The following MALAT1 variants were observed in gnomAD, a reference collection of about 807,000 sequenced individuals.
MALAT1 encodes metastasis associated lung adenocarcinoma transcript 1.
In MALAT1 at chr11:65,497,943, T is replaced by G. The variant is rs1251373567; in HGVS notation, n.178+78T>G. The G allele has an allele frequency of 1.3e-5, 7 of 518,946 alleles. No homozygotes were observed. The Admixed American group carries it at 1.4e-4, about 10-fold the overall frequency. The allele number at this position is 518,946 out of a possible 1,614,324, so 32.1% of individuals were successfully genotyped here. On this transcript the variant is annotated intron_variant and non_coding_transcript_variant, in intron 1 of 3. Coordinates refer to ENST00000619449, the Ensembl canonical transcript of MALAT1. ...CGCAGCGACGAGTTGTGCTGCTATC[T>G]TAGCTGTCCTTATAGGCTGGCCATT...
At chr11:65,500,217 A>G (rs1006763400) in exon 3 of MALAT1, 1 of 514,778 alleles carries the variant, frequency 1.9e-6, no homozygotes, top group South Asian at 1.4e-5. Context: ...GGCTTTTGGA[A>G]GAGTTAGAAG....
At chr11:65,499,539 A>G (rs1405692701) in exon 3 of MALAT1, 3 of 458,314 alleles carry the variant, frequency 6.5e-6, no homozygotes, top group African/African-American at 4.0e-5. Context: ...GAAATCCATG[A>G]CGCAGGGAGA....
exon 3 of MALAT1, chr11:65,500,605 A>G (rs2057023217): frequency 1.9e-6 from 1 of 518,864 alleles, no homozygotes; most frequent in African/African-American, 1.9e-5. Context: ...TGGTGAAGCT[A>G]GGAAAAAGGA....
At chr11:65,504,350 T>C in intron 3 of MALAT1, 1 of 516,360 alleles carries the variant, frequency 1.9e-6, no homozygotes, top group Non-Finnish European at 3.9e-6. Context: ...GCAGTTGTCT[T>C]GACTTCAGGT....
chr11:65,503,552 A>G (rs1280018624), exon 3 of MALAT1: 1 of 518,446 alleles, frequency 1.9e-6, no homozygotes, highest in African/African-American at 1.9e-5. Context: ...TACTGCTAAA[A>G]TTTACATGTT....
At chr11:65,499,427 A>G (rs1854486351) in exon 3 of MALAT1, 1 of 479,690 alleles carries the variant, frequency 2.1e-6, no homozygotes, top group African/African-American at 2.0e-5. Context: ...AATGAAGGTG[A>G]CTTAAACAGC....
intron 1 of MALAT1, chr11:65,498,334 G>C (rs768118337): frequency 1.9e-6 from 1 of 517,670 alleles, no homozygotes; most frequent in African/African-American, 1.9e-5. Context: ...TGCGGGCCGT[G>C]GGGGGCTGGC....
At chr11:65,505,755 C>A (rs773168653) in intron 3 of MALAT1, 1 of 518,904 alleles carries the variant, frequency 1.9e-6, no homozygotes. Flanking sequence ...GTATTAAAAC[C>A]ACAGCTAAGT....
At chr11:65,498,277 C>T (rs372891887) in intron 1 of MALAT1, 49 of 518,704 alleles carry the variant, frequency 9.4e-5, no homozygotes, top group African/African-American at 8.6e-4. Flanking sequence ...GCCTTGTGAG[C>T]ACTTTCAGGA....
chr11:65,498,428 G>GGGAT, intron 1 of MALAT1: 1 of 518,604 alleles, frequency 1.9e-6, no homozygotes, highest in Non-Finnish European at 3.8e-6. Context: ...TCTGTGGTGT[G>GGGAT]GGATTGAGGC....
At chr11:65,503,326 T>A (rs770396686) in exon 3 of MALAT1, 1 of 518,636 alleles carries the variant, frequency 1.9e-6, no homozygotes, top group African/African-American at 1.9e-5. Flanking sequence ...TTGAGAAATT[T>A]TTCCATCGAG....
In MALAT1 at chr11:65,505,110, T is replaced by G. The variant is rs748206138; in HGVS notation, n.5169-1150T>G. 5.2e-5 allele frequency: 27 copies of G among 518,936 alleles called. No homozygotes were observed. In the East Asian group the frequency reaches 1.5e-3, roughly 28 times the overall value. The allele number at this position is 518,936 out of a possible 1,614,324, so 32.1% of individuals were successfully genotyped here. A position where few individuals can be genotyped will look rare whatever the true frequency, so the allele number is the denominator to read the frequency against. On this transcript the variant is annotated intron_variant and non_coding_transcript_variant, in intron 3 of 3. Coordinates refer to ENST00000619449, the Ensembl canonical transcript of MALAT1. ...GATTTCAGCTTTATGCTGGAGTAAC[T>G]GGCATGTGAGCAAACTGTGTTGGCG...
exon 3 of MALAT1, chr11:65,500,642 GTGA>G (rs746584861): frequency 3.9e-6 from 2 of 518,994 alleles, no homozygotes; most frequent in Non-Finnish European, 7.7e-6. Flanking sequence ...GTGCAATTTG[GTGA>G]TGAAGGTAGC....
chr11:65,504,316 T>A (rs1313093688), intron 3 of MALAT1: 2 of 495,818 alleles, frequency 4.0e-6, no homozygotes, highest in Non-Finnish European at 7.9e-6. Flanking sequence ...AGCTTTTTTT[T>A]TTTTTACAGA....
exon 1 of MALAT1, chr11:65,497,752 C>G (rs759666302): frequency 9.3e-6 from 4 of 429,264 alleles, no homozygotes; most frequent in East Asian, 5.9e-5. Context: ...GCCTGCAGCC[C>G]GAGACTTCTG....
exon 3 of MALAT1, chr11:65,499,850 A>G (rs1565676002): frequency 4.7e-6 from 2 of 422,300 alleles, no homozygotes; most frequent in South Asian, 1.8e-5. Flanking sequence ...AGAAAATTGG[A>G]AGATAGAAAC....
exon 3 of MALAT1, chr11:65,503,507 A>G (rs1169995130): frequency 2.3e-5 from 12 of 518,576 alleles, no homozygotes; most frequent in African/African-American, 2.1e-4. Flanking sequence ...GGCTCTATGA[A>G]AGGAATAGCA....
At chr11:65,502,704 A>T (rs777310088) in exon 3 of MALAT1, 29 of 509,402 alleles carry the variant, frequency 5.7e-5, no homozygotes, top group South Asian at 4.2e-4. Context: ...ATGCAGAGAA[A>T]ACAGCTCCTT....
At chr11:65,505,582 C>A (rs759718925) in intron 3 of MALAT1, 3 of 518,546 alleles carry the variant, frequency 5.8e-6, no homozygotes, top group South Asian at 4.2e-5. Flanking sequence ...GCCTTTTGAT[C>A]TAGCACAGAC....
Sources: gnomAD v4.1 joint callset for allele counts on GRCh38, gnomAD v4.1.1 for gene constraint, MANE v1.5 for transcripts, NCBI Gene and HGNC (gene_info 2026-07-23, HGNC 2026-07-21) for gene names.